CDKAL1: variants seen among roughly 807,000 people sequenced by gnomAD.
CDKAL1 encodes the protein threonylcarbamoyladenosine tRNA methylthiotransferase.
Under a neutral mutation model 68.2 loss-of-function variants are expected in CDKAL1, and 32 were observed. The ratio of observed to expected loss-of-function variants is 0.47; its 90% CI spans 0.35 to 0.63. CDKAL1 has a LOEUF of 0.63. Ranked by LOEUF, CDKAL1 falls within the 30% of genes least tolerant of loss-of-function variation. The probability of loss-of-function intolerance (pLI) is 0.00; values close to 1 mark genes in which losing one functional copy is unlikely to be tolerated. For synonymous variants in CDKAL1, 234 were observed against 244.3 expected, an observed-to-expected ratio of 0.96 and a Z score of 0.39; for missense variants, 606 against 696.7, an observed-to-expected ratio of 0.87 and a Z score of 1.47.
At chr6:20,938,515 A>G (rs925039991) in intron 9 of CDKAL1, among the ~76,000 whole-genome samples, 1 of 152,124 alleles carries the variant, frequency 6.6e-6, no homozygotes, top group Non-Finnish European at 1.5e-5. Flanking sequence ...ATGTAGACTG[A>G]TGGTCTTCAA....
chr6:21,003,372 A>ATATATATAGATATATACACC (rs67764441), intron 11 of CDKAL1, among the ~76,000 whole-genome samples: 1 of 34,572 alleles, frequency 2.9e-5, no homozygotes, highest in Non-Finnish European at 7.1e-5. Context: ...ATATATATAT[A>ATATATATAGATATATACACC]CACACACACA....
intron 13 of CDKAL1, among the ~76,000 whole-genome samples, chr6:21,195,266 A>T (rs1018050418): frequency 6.6e-6 from 1 of 151,836 alleles, no homozygotes; most frequent in African/African-American, 2.4e-5. Context: ...AGGTTCAAGC[A>T]ATCCTCCCAC....
At chr6:20,904,518 G>A (rs1475053805) in intron 9 of CDKAL1, among the ~76,000 whole-genome samples, 7 of 152,054 alleles carry the variant, frequency 4.6e-5, no homozygotes, top group Admixed American at 1.3e-4. Flanking sequence ...GGTCTGGCAC[G>A]GTGGCTCATA....
At chr6:20,723,562 A>T (rs78489263) in intron 5 of CDKAL1, 1 of 193,384 alleles carries the variant, frequency 5.2e-6, no homozygotes, top group Non-Finnish European at 1.1e-5. Context: ...AAAATCCTGC[A>T]TTACTTGCTC....
At chr6:20,875,215 C>T (rs1480835516) in intron 9 of CDKAL1, among the ~76,000 whole-genome samples, 2 of 142,802 alleles carry the variant, frequency 1.4e-5, no homozygotes, top group African/African-American at 5.2e-5. Context: ...AGGAGAATGG[C>T]GTGAACCCGG....
Position 20,637,420 on chromosome 6 carries a change from G to T in CDKAL1, c.287-11873G>T, listed in dbSNP as rs145057191. Among the ~76,000 whole-genome samples, 1,097 of 151,904 alleles carry T rather than the reference G, an allele frequency of 7.2e-3. 9 individuals carry two copies. The highest frequency in any genetic ancestry group is 0.012 in the Non-Finnish European group (807 of 67,914). On this transcript the variant is annotated intron_variant, in intron 4 of 15. Transcript: ENST00000274695. ...TCAACTAAAAATACAAAAATTAGCC[G>T]GGTGTGGTGGCGGGTGCCTGTAGTC...
At chr6:21,086,355 C>G (rs1772691600) in intron 12 of CDKAL1, among the ~76,000 whole-genome samples, 1 of 152,120 alleles carries the variant, frequency 6.6e-6, no homozygotes, top group African/African-American at 2.4e-5. Flanking sequence ...AATATAGACT[C>G]CTCAATTTCT....
At chr6:20,995,168 C>T (rs1314632742) in intron 10 of CDKAL1, among the ~76,000 whole-genome samples, 1 of 152,128 alleles carries the variant, frequency 6.6e-6, no homozygotes, top group East Asian at 1.9e-4. Context: ...TTCCTGTTTC[C>T]ACCACATCTG....
At chr6:20,629,993 A>G (rs1460003257) in intron 4 of CDKAL1, among the ~76,000 whole-genome samples, 4 of 151,884 alleles carry the variant, frequency 2.6e-5, no homozygotes, top group Non-Finnish European at 5.9e-5. Flanking sequence ...AGCTGGGACT[A>G]TGGGCACCCA....
chr6:20,864,884 A>G, intron 9 of CDKAL1, among the ~76,000 whole-genome samples: 1 of 152,226 alleles, frequency 6.6e-6, no homozygotes, highest in East Asian at 1.9e-4. Flanking sequence ...AAACATAAAT[A>G]GCACATGGCT....
chr6:20,765,104 T>G (rs1774638755), intron 7 of CDKAL1, among the ~76,000 whole-genome samples: 1 of 152,200 alleles, frequency 6.6e-6, no homozygotes, highest in Non-Finnish European at 1.5e-5. Flanking sequence ...GATTACAGTT[T>G]GGTAACTTGC....
intron 9 of CDKAL1, among the ~76,000 whole-genome samples, chr6:20,932,845 C>T (rs1763529135): frequency 6.6e-6 from 1 of 152,132 alleles, no homozygotes; most frequent in African/African-American, 2.4e-5. Flanking sequence ...CCTAGGGGAA[C>T]CCAGCAAACA....
chr6:20,985,593 C>T (rs1385183227), intron 10 of CDKAL1, among the ~76,000 whole-genome samples: 2 of 152,188 alleles, frequency 1.3e-5, no homozygotes, highest in Non-Finnish European at 2.9e-5. Flanking sequence ...CTGCACCCCA[C>T]CCTGTTCCAT....
intron 4 of CDKAL1, among the ~76,000 whole-genome samples, chr6:20,599,199 T>C (rs1376740895): frequency 1.3e-5 from 2 of 149,826 alleles, no homozygotes; most frequent in African/African-American, 4.9e-5. Context: ...CAAGTAGATA[T>C]ACGTACATAT....
intron 13 of CDKAL1, among the ~76,000 whole-genome samples, chr6:21,178,760 G>A (rs1020236511): frequency 1.3e-5 from 2 of 152,178 alleles, no homozygotes; most frequent in African/African-American, 4.8e-5. Context: ...CTAAGGGATA[G>A]CACCTGCTCT....
chr6:21,005,163 G>A (rs1368363052), intron 11 of CDKAL1, among the ~76,000 whole-genome samples: 1 of 151,834 alleles, frequency 6.6e-6, no homozygotes, highest in Non-Finnish European at 1.5e-5. Flanking sequence ...TTTGTACTGC[G>A]TTATGTTGGG....
chr6:20,644,563 C>A (rs1223311471), intron 4 of CDKAL1, among the ~76,000 whole-genome samples: 1 of 152,058 alleles, frequency 6.6e-6, no homozygotes, highest in East Asian at 1.9e-4. Context: ...GCCTGTAGTC[C>A]CAGCTACTCA....
intron 7 of CDKAL1, among the ~76,000 whole-genome samples, chr6:20,771,132 A>G (rs72832335): frequency 0.12 from 17,644 of 152,124 alleles, 1,253 homozygotes; most frequent in East Asian, 0.34. Flanking sequence ...TACATGCTTC[A>G]TTTTCTAAGC....
intron 5 of CDKAL1, 137 bp downstream of exon 5, chr6:20,649,514 T>A (rs1200446168): frequency 5.5e-6 from 3 of 543,116 alleles, no homozygotes; most frequent in Non-Finnish European, 9.6e-6. Context: ...AAGATTATAC[T>A]ATTTTGAATT....
Sources: gnomAD v4.1 joint callset for allele counts (sites outside exome capture counted in the v4.1 genomes callset) on GRCh38, gnomAD v4.1.1 for gene constraint, MANE v1.5 for transcripts, NCBI Gene and HGNC (gene_info 2026-07-23, HGNC 2026-07-21) for gene names.